The following VDAC1 variants were observed in gnomAD, a reference collection of about 807,000 sequenced individuals.
The protein encoded by VDAC1 is voltage dependent anion channel 1, also known as non-selective voltage-gated ion channel VDAC1.
A neutral mutation model predicts 34.7 loss-of-function variants in VDAC1; 10 were observed. That is an observed-to-expected ratio of 0.29 (90% CI 0.18 to 0.49). The LOEUF (loss-of-function observed/expected upper bound fraction) is 0.49. VDAC1 is among the 20% of genes least tolerant of loss of function. The pLI, the probability that VDAC1 is intolerant of heterozygous loss-of-function variation, is 0.99. For synonymous variants in VDAC1, 130 were observed against 136.0 expected, an observed-to-expected ratio of 0.96 and a Z score of 0.30; for missense variants, 230 against 347.9, an observed-to-expected ratio of 0.66 and a Z score of 2.69.
the VDAC1 span, among the ~76,000 whole-genome samples, chr5:134,043,223 C>T: frequency 6.6e-6 from 1 of 152,254 alleles, no homozygotes; most frequent in African/African-American, 2.4e-5. Flanking sequence ...CAGAGATGCT[C>T]TCCTCTGAGT....
At chr5:134,068,164 T>C in the VDAC1 span, among the ~76,000 whole-genome samples, 2 of 152,114 alleles carry the variant, frequency 1.3e-5, no homozygotes, top group Non-Finnish European at 1.5e-5. Context: ...TCAATTACTC[T>C]ACTCCATCTT....
chr5:134,025,203 G>A, the VDAC1 span, among the ~76,000 whole-genome samples: 17 of 152,338 alleles, frequency 1.1e-4, no homozygotes, highest in South Asian at 1.2e-3. Flanking sequence ...CCCTCAGGAA[G>A]CTTCCACTCA....
At chr5:134,074,738 A>T in the VDAC1 span, among the ~76,000 whole-genome samples, 1 of 152,106 alleles carries the variant, frequency 6.6e-6, no homozygotes, top group Non-Finnish European at 1.5e-5. Flanking sequence ...TAGAGTTTTA[A>T]AAAGAAACCT....
At chr5:134,084,104 A>C in the VDAC1 span, among the ~76,000 whole-genome samples, 1 of 152,222 alleles carries the variant, frequency 6.6e-6, no homozygotes, top group Non-Finnish European at 1.5e-5. Context: ...ATTAAATAAG[A>C]AAATGCATGT....
At chr5:134,033,762 G>A in the VDAC1 span, among the ~76,000 whole-genome samples, 2 of 151,794 alleles carry the variant, frequency 1.3e-5, no homozygotes, top group South Asian at 4.2e-4. Context: ...GGAGGCCAAG[G>A]CGGGCGGATC....
chr5:133,983,436 A>G (rs1305446722), intron 5 of VDAC1, among the ~76,000 whole-genome samples: 1 of 152,194 alleles, frequency 6.6e-6, no homozygotes, highest in Non-Finnish European at 1.5e-5. Flanking sequence ...TTATGGCTGT[A>G]TAAATAAAAC....
chr5:134,012,363 T>C, the VDAC1 span, among the ~76,000 whole-genome samples: 2 of 152,202 alleles, frequency 1.3e-5, no homozygotes, highest in Non-Finnish European at 2.9e-5. Flanking sequence ...ACAACAGCAA[T>C]AGGAAACTAA....
chr5:134,106,085 T>C, the VDAC1 span, among the ~76,000 whole-genome samples: 1 of 152,090 alleles, frequency 6.6e-6, no homozygotes, highest in Non-Finnish European at 1.5e-5. Context: ...CAGGCCCGAG[T>C]GGTGGAGAGC....
chr5:133,972,521 A>C lies in VDAC1; in HGVS notation c.*250T>G. On this transcript the variant is annotated 3_prime_UTR_variant, in exon 9 of 9. Transcript: ENST00000265333. ...ACTTGCAGCCATTTCTAGATAAAAA[A>C]GAAACCTGGCATCTCAAAGGGGCCA... The C allele has an allele frequency of 4.5e-6, 2 of 443,858 alleles. No individual in the cohort carries two copies. Among genetic ancestry groups the C allele is most frequent in the Admixed American group, 3.9e-5 (1 of 25,610 alleles). The allele number at this position is 443,858 out of a possible 1,614,324, so 27.5% of individuals were successfully genotyped here.
chr5:134,046,345 T>TA, the VDAC1 span, among the ~76,000 whole-genome samples: 1 of 151,972 alleles, frequency 6.6e-6, no homozygotes, highest in Non-Finnish European at 1.5e-5. Context: ...TTTAATTTTT[T>TA]AAAAAAATAG....
the VDAC1 span, among the ~76,000 whole-genome samples, chr5:134,036,135 A>T: frequency 6.6e-6 from 1 of 152,176 alleles, no homozygotes; most frequent in African/African-American, 2.4e-5. Context: ...GATCATCTCC[A>T]TCTATTTCCT....
chr5:134,082,799 A>G, the VDAC1 span, among the ~76,000 whole-genome samples: 1 of 152,210 alleles, frequency 6.6e-6, no homozygotes, highest in Non-Finnish European at 1.5e-5. Flanking sequence ...TGTGGTTTTA[A>G]TCTGCATTTC....
At chr5:133,997,031 G>A (rs1753342524) in intron 1 of VDAC1, among the ~76,000 whole-genome samples, 1 of 152,172 alleles carries the variant, frequency 6.6e-6, no homozygotes, top group Non-Finnish European at 1.5e-5. Context: ...GGGCCACCAA[G>A]AGCCACTGTT....
rs1209519246 is a variant in VDAC1, at chr5:133,982,523, A to AG, written c.324-1568_324-1567insC. On this transcript the variant is annotated intron_variant, in intron 5 of 8. Coordinates refer to ENST00000265333, the MANE Select transcript of VDAC1 (RefSeq NM_003374.3). ...TAAGACTCCGTCTCAAAAAAAAAAA[A>AG]AAAAGAATTATAATAACGCTCAAAT... is the stretch of plus-strand genomic sequence containing the variant. 2.0e-5 allele frequency among the ~76,000 whole-genome samples: 3 copies of AG among 151,350 alleles called. No individual in the cohort carries two copies. In the East Asian group the frequency reaches 5.9e-4, roughly 30 times the overall value.
chr5:134,016,202 G>A, the VDAC1 span, among the ~76,000 whole-genome samples: 1 of 152,184 alleles, frequency 6.6e-6, no homozygotes, highest in Non-Finnish European at 1.5e-5. Flanking sequence ...TGCAATTTGG[G>A]GTAAGTGCAG....
the VDAC1 span, among the ~76,000 whole-genome samples, chr5:134,032,124 CAAAAAAAAA>C: frequency 2.8e-5 from 1 of 36,132 alleles, no homozygotes; most frequent in African/African-American, 1.2e-4. Context: ...CTCTGCCTCA[CAAAAAAAAA>C]AAAAAAAAAA....
the VDAC1 span, among the ~76,000 whole-genome samples, chr5:134,105,503 G>T: frequency 6.6e-6 from 1 of 152,250 alleles, no homozygotes; most frequent in South Asian, 2.1e-4. Flanking sequence ...ATAACACACA[G>T]GAAGGTGTTC....
At chr5:134,114,128 T>C in the VDAC1 span, among the ~76,000 whole-genome samples, 1 of 152,164 alleles carries the variant, frequency 6.6e-6, no homozygotes. Flanking sequence ...AAGGGGGGTA[T>C]ACTTATGTTC....
the VDAC1 span, among the ~76,000 whole-genome samples, chr5:134,042,177 T>G: frequency 6.6e-6 from 1 of 152,174 alleles, no homozygotes; most frequent in African/African-American, 2.4e-5. Context: ...CAGGCACTGA[T>G]GGCCTGGGGT....
Sources: allele counts gnomAD v4.1 joint callset (sites outside exome capture counted in the v4.1 genomes callset), GRCh38; gene constraint gnomAD v4.1.1; transcripts MANE v1.5; gene names NCBI Gene and HGNC (gene_info 2026-07-23, HGNC 2026-07-21).